SHISA9: variants seen among roughly 807,000 people sequenced by gnomAD.
The protein encoded by SHISA9 is protein shisa-9.
Under a neutral mutation model 38.0 loss-of-function variants are expected in SHISA9, and 13 were observed. That is an observed-to-expected ratio of 0.34 (90% CI 0.22 to 0.54). The LOEUF (loss-of-function observed/expected upper bound fraction) is 0.54. Ranked by LOEUF, SHISA9 falls within the 20% of genes least tolerant of loss-of-function variation. The pLI is 0.91. For synonymous variants in SHISA9, 275 were observed against 242.0 expected (o/e 1.14, Z -1.27); for missense variants, 538 against 575.8 (o/e 0.93, Z 0.67).
At position 13,091,648 on chromosome 16, in the gene SHISA9, A is replaced by G. The variant is rs143134506; in HGVS notation, c.692-111746A>G. On this transcript the variant is annotated intron_variant, in intron 2 of 4. Transcript: ENST00000558583. ...TTCTCATGCCATGGTTTTCAGCTCC[A>G]TCAGGTTATTTAAAGTCTTCTCTAC... Among the ~76,000 whole-genome samples the G allele has an allele frequency of 3.3e-3, 509 of 152,262 alleles. 4 individuals are homozygous for G. The highest frequency in any genetic ancestry group is 4.0e-3 in the Non-Finnish European group (271 of 68,020).
Position 12,950,914 on chromosome 16 carries a change from A to AT in SHISA9, c.691+34114dup, listed in dbSNP as rs955071205. Among the ~76,000 whole-genome samples, 1,168 of 135,740 alleles carry AT rather than the reference A, an allele frequency of 8.6e-3. 9 individuals carry two copies. Among genetic ancestry groups the AT allele is most frequent in the Middle Eastern group, 0.015 (4 of 274 alleles). The allele number at this position is 135,740 out of a possible 152,430, so 89.1% of individuals were successfully genotyped here. On this transcript the variant is annotated intron_variant, in intron 2 of 4. Transcript: ENST00000558583. ...AGAGCCACTGCGCCCGGCCCTTTTAATTTTTTTTTTTTTTTAAATGTGGCT... is the reference window on the plus strand; with the variant it reads ...AGAGCCACTGCGCCCGGCCCTTTTAATTTTTTTTTTTTTTTTAAATGTGGCT...
At position 12,916,011 on chromosome 16, in the gene SHISA9, G is replaced by GGTTT. The variant is rs774277866; in HGVS notation, c.564-677_564-676insGTTT. On this transcript the variant is annotated intron_variant, in intron 1 of 4. Transcript: ENST00000558583. ...GTTTTTTTTTTGTGTGTGTGTGTGT[G>GGTTT]TTTTTTTTTTTTTTTTTTTGCTAAG... Among the ~76,000 whole-genome samples, 50 of 90,428 alleles carry GGTTT rather than the reference G, an allele frequency of 5.5e-4. 1 individual carries two copies. The highest frequency in any genetic ancestry group is 8.8e-4 in the East Asian group (3 of 3,390). The allele number at this position is 90,428 out of a possible 152,430, so 59.3% of individuals were successfully genotyped here.
Position 13,025,042 on chromosome 16 carries a change from G to C in SHISA9, c.691+108227G>C, listed in dbSNP as rs193054299. Among the ~76,000 whole-genome samples, 969 of 152,262 alleles carry C rather than the reference G, an allele frequency of 6.4e-3. 12 individuals are homozygous for C. The highest frequency in any genetic ancestry group is 0.022 in the African/African-American group (932 of 41,538). On this transcript the variant is annotated intron_variant, in intron 2 of 4. Transcript: ENST00000558583. ...CCAACATGTTAAGAGGGTTCTTATA[G>C]AACAGCATAACATCATTTCCTCTTG...
At chr16:13,554,097 A>C in the SHISA9 span, among the ~76,000 whole-genome samples, 11 of 152,130 alleles carry the variant, frequency 7.2e-5, no homozygotes, top group Admixed American at 7.2e-4. Flanking sequence ...ACTAGCATCT[A>C]TTCCTTTTTC....
chr16:13,524,592 T>A, the SHISA9 span, among the ~76,000 whole-genome samples: 1 of 152,160 alleles, frequency 6.6e-6, no homozygotes, highest in Admixed American at 6.5e-5. Flanking sequence ...ACAGTCTTGC[T>A]TTGTCACCCA....
At chr16:13,261,458 A>G in the SHISA9 span, among the ~76,000 whole-genome samples, 1 of 152,200 alleles carries the variant, frequency 6.6e-6, no homozygotes, top group Admixed American at 6.5e-5. Flanking sequence ...GCAAGGCCAC[A>G]AAGCTGGTAA....
intron 2 of SHISA9, among the ~76,000 whole-genome samples, chr16:13,096,161 T>C (rs1399377045): frequency 1.3e-5 from 2 of 152,218 alleles, no homozygotes; most frequent in Non-Finnish European, 2.9e-5. Context: ...CATATGTATG[T>C]CATAGGATGA....
the SHISA9 span, among the ~76,000 whole-genome samples, chr16:13,319,592 T>A: frequency 2.0e-5 from 3 of 152,094 alleles, no homozygotes; most frequent in African/African-American, 4.8e-5. Context: ...TCCTCCCTTT[T>A]GTTGCTCCCT....
chr16:13,282,205 G>C, the SHISA9 span, among the ~76,000 whole-genome samples: 1 of 151,836 alleles, frequency 6.6e-6, no homozygotes, highest in Non-Finnish European at 1.5e-5. Flanking sequence ...ATTCTTCCAG[G>C]TATGATTTAT....
At chr16:13,104,254 T>C (rs1421156866) in intron 2 of SHISA9, among the ~76,000 whole-genome samples, 1 of 152,062 alleles carries the variant, frequency 6.6e-6, no homozygotes, top group African/African-American at 2.4e-5. Context: ...TGGGTGGGAA[T>C]GTAAAATGGT....
chr16:12,984,831 A>G (rs1473234700), intron 2 of SHISA9, among the ~76,000 whole-genome samples: 4 of 152,104 alleles, frequency 2.6e-5, no homozygotes, highest in African/African-American at 9.7e-5. Flanking sequence ...GAGCCACCCT[A>G]TATGGGAGTA....
the SHISA9 span, among the ~76,000 whole-genome samples, chr16:13,381,423 A>G: frequency 6.6e-5 from 10 of 152,194 alleles, no homozygotes; most frequent in Non-Finnish European, 1.3e-4. Context: ...AAATGAGGCA[A>G]CTCTCAACTC....
intron 2 of SHISA9, among the ~76,000 whole-genome samples, chr16:13,157,685 G>A (rs969395182): frequency 4.6e-5 from 7 of 152,032 alleles, no homozygotes; most frequent in African/African-American, 1.7e-4. Flanking sequence ...AAAGGGTCAG[G>A]GCAGTTCAGC....
At chr16:13,172,668 C>G (rs533423085) in intron 2 of SHISA9, among the ~76,000 whole-genome samples, 1 of 151,602 alleles carries the variant, frequency 6.6e-6, no homozygotes, top group Non-Finnish European at 1.5e-5. Flanking sequence ...AGCCTGGTTT[C>G]GCGTCTGTTT....
chr16:13,553,613 T>C, the SHISA9 span, among the ~76,000 whole-genome samples: 1 of 152,126 alleles, frequency 6.6e-6, no homozygotes, highest in Non-Finnish European at 1.5e-5. Context: ...ATGCTTTCAT[T>C]TGAGCATTTC....
chr16:12,902,776 C>G, intron 1 of SHISA9, 149 bp downstream of exon 1: 1 of 826,052 alleles, frequency 1.2e-6, no homozygotes, highest in Non-Finnish European at 1.8e-6. Context: ...AAGCCAACTT[C>G]GGCTTGGAAC....
chr16:12,902,645 C>A lies in SHISA9; in HGVS notation c.563+18C>A. The A allele has an allele frequency of 6.5e-7, 1 of 1,527,614 alleles. No individual in the cohort carries two copies. Among genetic ancestry groups the A allele is most frequent in the South Asian group, 1.3e-5 (1 of 79,536 alleles). The allele number at this position is 1,527,614 out of a possible 1,614,324, so 94.6% of individuals were successfully genotyped here. On this transcript the variant is annotated intron_variant, in intron 1 of 4. Coordinates refer to ENST00000558583, the MANE Select transcript of SHISA9 (RefSeq NM_001145204.3). ...ATGTCCAGGTGGGCTGCCTCCCCTTCGCCCTCCCCTCGGGGCTTCGCTCTC... is the reference window on the plus strand; with the variant it reads ...ATGTCCAGGTGGGCTGCCTCCCCTTAGCCCTCCCCTCGGGGCTTCGCTCTC...
chr16:13,558,827 G>A, the SHISA9 span, among the ~76,000 whole-genome samples: 2 of 152,192 alleles, frequency 1.3e-5, no homozygotes, highest in African/African-American at 4.8e-5. Flanking sequence ...ATGGCAGAGT[G>A]TTGCCCCGTT....
intron 2 of SHISA9, among the ~76,000 whole-genome samples, chr16:12,936,917 C>G (rs906412209): frequency 1.3e-5 from 2 of 152,172 alleles, no homozygotes; most frequent in African/African-American, 4.8e-5. Context: ...TGACACACAG[C>G]ACGGGTTGGC....
Sources: gnomAD v4.1 joint callset for allele counts (sites outside exome capture counted in the v4.1 genomes callset) on GRCh38, gnomAD v4.1.1 for gene constraint, MANE v1.5 for transcripts, NCBI Gene and HGNC (gene_info 2026-07-23, HGNC 2026-07-21) for gene names.